The following SLC22A3 variants were observed in gnomAD, a reference collection of about 807,000 sequenced individuals.
SLC22A3 encodes the protein EMT organic cation transporter 3.
In SLC22A3, 51 loss-of-function variants were observed where a neutral mutation model predicts 59.1. The observed-to-expected ratio is 0.86, with a 90% CI of 0.69 to 1.09. SLC22A3 has a LOEUF of 1.09. SLC22A3 is among the 50% of genes least tolerant of loss of function. SLC22A3 has a pLI of 0.00. For missense variants in SLC22A3, 711 were observed against 726.3 expected (o/e 0.98, Z 0.24); for synonymous variants, 325 against 292.0 (o/e 1.11, Z -1.15).
chr6:160,418,576 C>A (rs2114877101), intron 5 of SLC22A3, among the ~76,000 whole-genome samples: 1 of 152,310 alleles, frequency 6.6e-6, no homozygotes, highest in South Asian at 2.1e-4. Flanking sequence ...AATATAATAG[C>A]TGACTGTGTC....
chr6:160,449,343 G>A (rs985670594), intron 10 of SLC22A3, among the ~76,000 whole-genome samples: 2 of 151,782 alleles, frequency 1.3e-5, no homozygotes, highest in African/African-American at 4.8e-5. Flanking sequence ...AAAATTTAAG[G>A]TACCCAGATT....
intron 7 of SLC22A3, among the ~76,000 whole-genome samples, chr6:160,437,638 C>A (rs928532853): frequency 2.0e-5 from 3 of 152,200 alleles, no homozygotes; most frequent in Non-Finnish European, 4.4e-5. Flanking sequence ...GATACAGATA[C>A]TTTAATATTG....
intron 1 of SLC22A3, among the ~76,000 whole-genome samples, chr6:160,351,824 C>G (rs1216789367): frequency 6.6e-6 from 1 of 152,132 alleles, no homozygotes; most frequent in Admixed American, 6.5e-5. Flanking sequence ...GAAGAGAGAC[C>G]TGAGGACCTT....
intron 4 of SLC22A3, 94 bp from the exon 5 acceptor site, chr6:160,410,635 T>C: frequency 1.3e-6 from 1 of 798,446 alleles, no homozygotes; most frequent in Non-Finnish European, 2.3e-6. Flanking sequence ...GTATATCTAA[T>C]TGCAAGATCC....
At chr6:160,354,425 A>C (rs581556) in intron 1 of SLC22A3, among the ~76,000 whole-genome samples, 13,245 of 152,118 alleles carry the variant, frequency 0.087, 1,767 homozygotes, top group African/African-American at 0.29. Context: ...CCCTTAAGCC[A>C]GGTGGGAGTC....
intron 5 of SLC22A3, chr6:160,425,965 A>G (rs987178037): frequency 1.0e-6 from 1 of 985,324 alleles, no homozygotes; most frequent in Non-Finnish European, 1.2e-6. Context: ...GCTGATACGT[A>G]AGAGAATCTC....
chr6:160,434,686 C>T (rs758150096), intron 5 of SLC22A3, among the ~76,000 whole-genome samples: 21 of 152,142 alleles, frequency 1.4e-4, no homozygotes, highest in Non-Finnish European at 2.6e-4. Flanking sequence ...CTATCTTTCA[C>T]TTTTGATATT....
At chr6:160,387,282 G>C (rs201176522) in intron 1 of SLC22A3, among the ~76,000 whole-genome samples, 2 of 152,212 alleles carry the variant, frequency 1.3e-5, no homozygotes, top group African/African-American at 2.4e-5. Context: ...AAAGAGTGGT[G>C]GGGGAGGAGC....
At chr6:160,437,833 G>C (rs1055423282) in intron 7 of SLC22A3, among the ~76,000 whole-genome samples, 1 of 152,212 alleles carries the variant, frequency 6.6e-6, no homozygotes, top group African/African-American at 2.4e-5. Context: ...ATATCAGGGA[G>C]AGAGAGGACG....
At chr6:160,427,466 T>C (rs1788006080) in intron 5 of SLC22A3, among the ~76,000 whole-genome samples, 2 of 152,128 alleles carry the variant, frequency 1.3e-5, no homozygotes, top group Non-Finnish European at 2.9e-5. Context: ...AGGAGACACC[T>C]ACCAGGAATC....
chr6:160,377,225 C>T (rs1785628318), intron 1 of SLC22A3, among the ~76,000 whole-genome samples: 1 of 152,194 alleles, frequency 6.6e-6, no homozygotes, highest in South Asian at 2.1e-4. Flanking sequence ...TGGCTCACAC[C>T]TGTAATTCCA....
chr6:160,355,471 T>A (rs1462610333), intron 1 of SLC22A3, among the ~76,000 whole-genome samples: 1 of 151,990 alleles, frequency 6.6e-6, no homozygotes, highest in Non-Finnish European at 1.5e-5. Flanking sequence ...AAAATACCTG[T>A]CTTTCCTCGG....
chr6:160,422,994 G>A (rs1583499616), intron 5 of SLC22A3, among the ~76,000 whole-genome samples: 2 of 151,498 alleles, frequency 1.3e-5, no homozygotes, highest in South Asian at 2.1e-4. Flanking sequence ...CCCCCACCCC[G>A]CAACAGGCCC....
At chr6:160,379,236 T>G (rs1785709049) in intron 1 of SLC22A3, among the ~76,000 whole-genome samples, 1 of 152,208 alleles carries the variant, frequency 6.6e-6, no homozygotes, top group Non-Finnish European at 1.5e-5. Context: ...AAATGTACTT[T>G]TTAATGCTTT....
At chr6:160,401,122 G>C (rs913033053) in intron 2 of SLC22A3, among the ~76,000 whole-genome samples, 2 of 151,276 alleles carry the variant, frequency 1.3e-5, no homozygotes, top group African/African-American at 4.9e-5. Flanking sequence ...AGAATAAAGA[G>C]AGCGAGAAAT....
chr6:160,416,927 C>T (rs893806396), intron 5 of SLC22A3, among the ~76,000 whole-genome samples: 4 of 152,190 alleles, frequency 2.6e-5, no homozygotes, highest in Non-Finnish European at 5.9e-5. Context: ...TTCAGAGTGT[C>T]CACACTTCTG....
At chr6:160,393,060 A>G (rs549549680) in intron 1 of SLC22A3, among the ~76,000 whole-genome samples, 1 of 152,006 alleles carries the variant, frequency 6.6e-6, no homozygotes, top group Non-Finnish European at 1.5e-5. Context: ...TTTCTCCTAG[A>G]ACAATGCACA....
chr6:160,384,219 C>G (rs1287068888), intron 1 of SLC22A3, among the ~76,000 whole-genome samples: 2 of 152,144 alleles, frequency 1.3e-5, no homozygotes, highest in Non-Finnish European at 2.9e-5. Context: ...GGCTCAAATA[C>G]TATATCATTT....
At chr6:160,427,250 T>A (rs547999426) in intron 5 of SLC22A3, among the ~76,000 whole-genome samples, 17 of 152,292 alleles carry the variant, frequency 1.1e-4, no homozygotes, top group African/African-American at 4.1e-4. Flanking sequence ...GGCTCCATTT[T>A]CCTGAGAAAA....
Sources: allele counts gnomAD v4.1 joint callset (sites outside exome capture counted in the v4.1 genomes callset), GRCh38; gene constraint gnomAD v4.1.1; transcripts MANE v1.5; gene names NCBI Gene and HGNC (gene_info 2026-07-23, HGNC 2026-07-21).